The following MTHFD1 variants were observed in gnomAD, a reference collection of about 807,000 sequenced individuals.
MTHFD1 encodes the protein C-1-tetrahydrofolate synthase, cytoplasmic.
A neutral mutation model predicts 110.3 loss-of-function variants in MTHFD1; 44 were observed. That is an observed-to-expected ratio of 0.40 (90% CI 0.31 to 0.51). The LOEUF is 0.51. Ranked by LOEUF, MTHFD1 falls within the 20% of genes least tolerant of loss-of-function variation. The pLI is 0.60. For missense variants in MTHFD1, 909 were observed against 1,173.1 expected, an observed-to-expected ratio of 0.77 and a Z score of 3.29; for synonymous variants, 402 against 428.8, an observed-to-expected ratio of 0.94 and a Z score of 0.77.
intron 21 of MTHFD1, among the ~76,000 whole-genome samples, chr14:64,443,793 CCTCACAGTCAGGATAA>C (rs1566572557): frequency 6.6e-6 from 1 of 152,178 alleles, no homozygotes; most frequent in Non-Finnish European, 1.5e-5. Context: ...TTCCTCCTGA[CCTCACAGTCAGGATAA>C]TGTCCCATAA....
chr14:64,438,998 T>A (rs2078227556), intron 16 of MTHFD1, 98 bp from the exon 17 acceptor site: 1 of 845,904 alleles, frequency 1.2e-6, no homozygotes, highest in African/African-American at 1.7e-5. Context: ...TGATAGACAA[T>A]CATGAAATTA....
intron 1 of MTHFD1, 149 bp from the exon 2 acceptor site, chr14:64,400,644 T>A (rs2077888595): frequency 1.5e-6 from 1 of 666,818 alleles, no homozygotes; most frequent in East Asian, 2.9e-5. Flanking sequence ...GCTTTGATTG[T>A]GCCACTGTAC....
intron 21 of MTHFD1, 67 bp from the exon 22 acceptor site, chr14:64,444,626 A>G: frequency 6.3e-7 from 1 of 1,583,586 alleles, no homozygotes. Context: ...TAACACATGA[A>G]AAGCACCATT....
intron 2 of MTHFD1, among the ~76,000 whole-genome samples, chr14:64,403,613 C>T (rs142019302): frequency 6.6e-6 from 1 of 151,650 alleles, no homozygotes; most frequent in Non-Finnish European, 1.5e-5. Context: ...GCCTTGTTGC[C>T]CTAGCTGGTC....
intron 1 of MTHFD1, among the ~76,000 whole-genome samples, chr14:64,399,461 C>G (rs564778564): frequency 1.3e-5 from 2 of 152,046 alleles, no homozygotes; most frequent in South Asian, 2.1e-4. Context: ...GAGTTCGAGA[C>G]CAGCCTGACC....
At chr14:64,458,825 T>C (rs2078517609) in intron 27 of MTHFD1, among the ~76,000 whole-genome samples, 1 of 152,198 alleles carries the variant, frequency 6.6e-6, no homozygotes, top group African/African-American at 2.4e-5. Context: ...ATGAGTGACA[T>C]TGCATTGTTT....
chr14:64,458,406 G>T lies in MTHFD1; in HGVS notation c.*4+99G>T, dbSNP rs1010630892. 6 of 855,226 alleles carry T rather than the reference G, an allele frequency of 7.0e-6. No individual in the cohort carries two copies. In the Admixed American group the frequency reaches 1.1e-4, roughly 15 times the overall value. The allele number at this position is 855,226 out of a possible 1,614,324, so 53.0% of individuals were successfully genotyped here. A position where few individuals can be genotyped will look rare whatever the true frequency, so the allele number is the denominator to read the frequency against. On this transcript the variant is annotated intron_variant, in intron 27 of 27. Transcript: ENST00000652337. ...ACGCTATAAAAATTCACATTCTAAT[G>T]CTTTCAAAACATTTCTTTTCAGACT...
chr14:64,446,690 C>A (rs2078291471), intron 22 of MTHFD1, among the ~76,000 whole-genome samples: 1 of 152,028 alleles, frequency 6.6e-6, no homozygotes, highest in African/African-American at 2.4e-5. Context: ...TACAAGCACC[C>A]ACCATCATGT....
chr14:64,430,382 T>G, intron 13 of MTHFD1, 152 bp downstream of exon 13: 1 of 733,040 alleles, frequency 1.4e-6, no homozygotes, highest in Non-Finnish European at 2.4e-6. Context: ...CACTGCAACC[T>G]CTGCCTCCCA....
chr14:64,415,538 TTATAA>T (rs745392874), intron 5 of MTHFD1, 44 bp downstream of exon 5: 2 of 1,613,688 alleles, frequency 1.2e-6, no homozygotes, highest in Non-Finnish European at 1.7e-6. Flanking sequence ...ATGCTTTCAT[TTATAA>T]TATGTTTCTA....
intron 26 of MTHFD1, 22 bp downstream of exon 26, chr14:64,454,897 G>A (rs149013241): frequency 1.2e-6 from 2 of 1,613,382 alleles, no homozygotes. Context: ...CTGCAAGGGA[G>A]TAGTGGGCGC....
intron 2 of MTHFD1, among the ~76,000 whole-genome samples, chr14:64,406,932 T>C (rs2077940732): frequency 6.6e-6 from 1 of 152,214 alleles, no homozygotes; most frequent in Non-Finnish European, 1.5e-5. Context: ...TTGGGTAGCT[T>C]GCCCAAAGCC....
intron 2 of MTHFD1, among the ~76,000 whole-genome samples, chr14:64,401,672 C>CAGCCTGGG (rs1239547947): frequency 7.1e-6 from 1 of 140,226 alleles, no homozygotes; most frequent in African/African-American, 2.7e-5. Flanking sequence ...CACTGCACTC[C>CAGCCTGGG]AGCCTGGGCG....
chr14:64,438,047 AT>A (rs1022177973), intron 16 of MTHFD1, among the ~76,000 whole-genome samples: 2 of 152,040 alleles, frequency 1.3e-5, no homozygotes, highest in African/African-American at 4.8e-5. Flanking sequence ...CTAATTTTGT[AT>A]TTTTAGTAGC....
intron 15 of MTHFD1, among the ~76,000 whole-genome samples, chr14:64,434,927 T>C (rs2078191998): frequency 7.0e-6 from 1 of 143,810 alleles, no homozygotes; most frequent in Non-Finnish European, 1.5e-5. Context: ...CTAAGCAGAC[T>C]ACGTGAAGCT....
chr14:64,444,028 G>GCT (rs770495294), intron 21 of MTHFD1, among the ~76,000 whole-genome samples: 4 of 149,972 alleles, frequency 2.7e-5, no homozygotes, highest in Non-Finnish European at 5.9e-5. Context: ...CCATGGTGGG[G>GCT]CCCATGAAAT....
intron 4 of MTHFD1, among the ~76,000 whole-genome samples, chr14:64,414,286 C>CTTTTTTTTTTTTTTTTTTT: frequency 1.2e-5 from 1 of 86,452 alleles, no homozygotes; most frequent in African/African-American, 4.8e-5. Context: ...CCTGTCCCCG[C>CTTTTTTTTTTTTTTTTTTT]TTTTTTTTTT....
chr14:64,401,826 A>C (rs2077900235), intron 2 of MTHFD1, among the ~76,000 whole-genome samples: 1 of 152,238 alleles, frequency 6.6e-6, no homozygotes, highest in Non-Finnish European at 1.5e-5. Context: ...TTTTTTAAAA[A>C]GAAAATTTAG....
chr14:64,405,954 T>C (rs752994835), intron 2 of MTHFD1, among the ~76,000 whole-genome samples: 1 of 151,672 alleles, frequency 6.6e-6, no homozygotes, highest in Non-Finnish European at 1.5e-5. Flanking sequence ...TATTTGTGTT[T>C]CATTATATAC....
Sources: allele counts gnomAD v4.1 joint callset (sites outside exome capture counted in the v4.1 genomes callset), GRCh38; gene constraint gnomAD v4.1.1; transcripts MANE v1.5; gene names NCBI Gene and HGNC (gene_info 2026-07-23, HGNC 2026-07-21).